The following AP1G1 variants were observed in gnomAD, a reference collection of about 807,000 sequenced individuals.
The protein encoded by AP1G1 is adaptor related protein complex 1 subunit gamma 1, also known as AP-1 complex subunit gamma-1.
Under a neutral mutation model 108.3 loss-of-function variants are expected in AP1G1, and 7 were observed. That is an observed-to-expected ratio of 0.06 (90% CI 0.04 to 0.12). AP1G1 has a LOEUF of 0.12. Ranked by LOEUF, AP1G1 falls within the 10% of genes least tolerant of loss-of-function variation. AP1G1 has a pLI of 1.00. For synonymous variants in AP1G1, 379 were observed against 353.5 expected, an observed-to-expected ratio of 1.07 and a Z score of -0.81; for missense variants, 756 against 1,010.7, an observed-to-expected ratio of 0.75 and a Z score of 3.42.
At chr16:71,789,127 T>C in intron 2 of AP1G1, 152 bp downstream of exon 2, 5 of 689,028 alleles carry the variant, frequency 7.3e-6, no homozygotes, top group South Asian at 7.0e-5. Flanking sequence ...CCTTTCCAGG[T>C]CTGTGGCTTG....
At chr16:71,783,666 G>C (rs1383540920) in intron 2 of AP1G1, among the ~76,000 whole-genome samples, 1 of 152,124 alleles carries the variant, frequency 6.6e-6, no homozygotes, top group Non-Finnish European at 1.5e-5. Flanking sequence ...ACAGGTAATT[G>C]GGTATGGCAA....
chr16:71,771,839 T>C lies in AP1G1; in HGVS notation c.469-587A>G, dbSNP rs111941124. 3.4e-3 allele frequency among the ~76,000 whole-genome samples: 511 copies of C among 152,342 alleles called. 7 individuals are homozygous for C. The highest frequency in any genetic ancestry group is 0.012 in the African/African-American group (487 of 41,572). On this transcript the variant is annotated intron_variant, in intron 4 of 22. Coordinates refer to ENST00000299980, the MANE Select transcript of AP1G1 (RefSeq NM_001128.6). ...TGAAAGATATATACTGTAAATGCTA[T>C]AAATCTACTGTTATGTTTAATAGTA...
chr16:71,757,448 C>CA (rs1161916975), intron 11 of AP1G1, among the ~76,000 whole-genome samples: 331 of 98,878 alleles, frequency 3.3e-3, no homozygotes, highest in African/African-American at 5.3e-3. Flanking sequence ...ACTCCGTCTC[C>CA]AAAAAAAAAA....
intron 17 of AP1G1, among the ~76,000 whole-genome samples, chr16:71,746,309 C>G (rs1193177245): frequency 6.6e-6 from 1 of 152,222 alleles, no homozygotes; most frequent in Non-Finnish European, 1.5e-5. Flanking sequence ...CACGCCCGGC[C>G]TCCCACTTCT....
At chr16:71,808,505 C>T (rs1039135954) in intron 1 of AP1G1, 2 of 1,258,110 alleles carry the variant, frequency 1.6e-6, no homozygotes, top group African/African-American at 1.5e-5. Context: ...AGGCCCGTAC[C>T]GGCGGGGCAA....
At chr16:71,749,706 G>T (rs1013854597) in intron 15 of AP1G1, among the ~76,000 whole-genome samples, 188 bp downstream of exon 15, 9 of 151,962 alleles carry the variant, frequency 5.9e-5, no homozygotes, top group African/African-American at 2.2e-4. Context: ...GCCCAGGCTG[G>T]TCTCAAACTC....
intron 18 of AP1G1, 39 bp downstream of exon 18, chr16:71,745,434 C>T (rs757682677): frequency 6.2e-6 from 10 of 1,613,458 alleles, no homozygotes; most frequent in Admixed American, 3.3e-5. Context: ...ACTATAAAAT[C>T]GTAAGAAGCC....
intron 7 of AP1G1, 77 bp downstream of exon 7, chr16:71,765,412 C>G: frequency 4.8e-6 from 5 of 1,047,808 alleles, no homozygotes; most frequent in Non-Finnish European, 7.1e-6. Flanking sequence ...TCAACACAAA[C>G]TTAAGAGGAA....
intron 2 of AP1G1, among the ~76,000 whole-genome samples, chr16:71,774,838 A>G (rs945485834): frequency 4.0e-5 from 6 of 151,736 alleles, no homozygotes; most frequent in Non-Finnish European, 7.4e-5. Context: ...CTCCTGCCTC[A>G]GCCTCCCGAG....
At position 71,758,815 on chromosome 16, in the gene AP1G1, T is replaced by C. The variant is rs758460658; in HGVS notation, c.1081A>G (p.Ile361Val). 9 of 1,588,020 alleles carry C rather than the reference T, an allele frequency of 5.7e-6. No homozygotes were observed. The highest frequency in any genetic ancestry group is 4.6e-5 in the South Asian group (4 of 87,260). Reference sequence around the variant, plus strand: ...AGGCTCTCAGTTTGTTACCGTTTTATTGAGACATCCAAATCTTTAAGACAG... The same window carrying C: ...AGGCTCTCAGTTTGTTACCGTTTTACTGAGACATCCAAATCTTTAAGACAG... ...VDCLKDLDVS[I>V]KRRAMELSFA... Residue 361 changes from isoleucine to valine, a missense_variant, in exon 11 of 23, where the codon ATA becomes GTA. Coordinates refer to ENST00000299980, the MANE Select transcript of AP1G1 (RefSeq NM_001128.6).
intron 11 of AP1G1, chr16:71,758,504 C>T (rs201885050): frequency 1.8e-6 from 1 of 554,452 alleles, no homozygotes. Flanking sequence ...AGTACCTCCA[C>T]TAGGTAAACT....
intron 4 of AP1G1, among the ~76,000 whole-genome samples, chr16:71,772,486 G>A (rs114417454): frequency 2.0e-5 from 3 of 152,162 alleles, no homozygotes; most frequent in African/African-American, 7.2e-5. Context: ...TGAGCTTTCT[G>A]AACAAGAGTA....
At position 71,766,157 on chromosome 16, in the gene AP1G1, G is replaced by C. The variant is rs551821333; in HGVS notation, c.643-573C>G. Among the ~76,000 whole-genome samples the C allele has an allele frequency of 4.6e-5, 7 of 152,214 alleles. No homozygotes were observed. In the East Asian group the frequency reaches 1.2e-3, roughly 25 times the overall value. On this transcript the variant is annotated intron_variant, in intron 6 of 22. Transcript: ENST00000299980. ...ATAGTAATACGGTAATCAAATGGAA[G>C]ACACATGAAAAAATTACATCTTTCA...
chr16:71,800,038 T>C (rs1033773369), intron 1 of AP1G1, among the ~76,000 whole-genome samples: 9 of 149,538 alleles, frequency 6.0e-5, no homozygotes, highest in Non-Finnish European at 8.9e-5. Context: ...CTGAGCAACA[T>C]AGCAAAATGT....
At chr16:71,768,936 AAAAAG>A (rs1555554360) in intron 6 of AP1G1, among the ~76,000 whole-genome samples, 1 of 121,260 alleles carries the variant, frequency 8.2e-6, no homozygotes, top group Non-Finnish European at 1.7e-5. Flanking sequence ...AAAAAAAAAA[AAAAAG>A]AAAAGAAAAG....
In AP1G1 at chr16:71,746,590, C is replaced by A; in HGVS notation, c.1728G>T (p.Met576Ile). 1 of 1,597,246 alleles carries A rather than the reference C, an allele frequency of 6.3e-7. No individual in the cohort carries two copies. The highest frequency in any genetic ancestry group is 8.6e-7 in the Non-Finnish European group (1 of 1,167,388). Reference sequence around the variant, plus strand: ...ATTGCTTAGTTTCTTTCGCTCACCTCATGTGGTCATATTTCTTGAAAAGTG... The same window carrying A: ...ATTGCTTAGTTTCTTTCGCTCACCTAATGTGGTCATATTTCTTGAAAAGTG... Reference protein sequence around the residue: ...YNALFKKYDHMRSALLERMPV... With the variant: ...YNALFKKYDHIRSALLERMPV... Residue 576 changes from methionine (M) to isoleucine (I), a missense_variant and splice_region_variant, in exon 17 of 23, where the codon ATG becomes ATT. By Grantham distance (10) the Met-to-Ile change is conservative. Transcript: ENST00000299980.
At chr16:71,787,399 TAGG>T (rs1474211731) in intron 2 of AP1G1, among the ~76,000 whole-genome samples, 1 of 149,856 alleles carries the variant, frequency 6.7e-6, no homozygotes, top group Non-Finnish European at 1.5e-5. Flanking sequence ...GAGGCTGAGG[TAGG>T]AGAACTTGAG....
intron 2 of AP1G1, among the ~76,000 whole-genome samples, chr16:71,784,969 T>C (rs1332212781): frequency 6.7e-6 from 1 of 149,292 alleles, no homozygotes; most frequent in African/African-American, 2.5e-5. Flanking sequence ...TACTAGATAC[T>C]GTAGTAAAAA....
chr16:71,777,344 CAAAG>C (rs1472960338), intron 2 of AP1G1, among the ~76,000 whole-genome samples: 2 of 151,342 alleles, frequency 1.3e-5, no homozygotes, highest in African/African-American at 2.4e-5. Flanking sequence ...AAGAAGAAAA[CAAAG>C]AGAGAGGAGC....
Sources: gnomAD v4.1 joint callset for allele counts (sites outside exome capture counted in the v4.1 genomes callset) on GRCh38, gnomAD v4.1.1 for gene constraint, MANE v1.5 for transcripts, NCBI Gene and HGNC (gene_info 2026-07-23, HGNC 2026-07-21) for gene names.